The following CLYBL variants were observed in gnomAD, a reference collection of about 807,000 sequenced individuals.
CLYBL encodes the protein citramalyl-CoA lyase, mitochondrial.
A neutral mutation model predicts 38.9 loss-of-function variants in CLYBL; 31 were observed. The observed-to-expected ratio is 0.80, with a 90% CI of 0.60 to 1.08. CLYBL has a LOEUF of 1.08. Among genes scored for constraint, CLYBL ranks in the 50% least tolerant of loss-of-function variants. CLYBL has a pLI of 0.00. For synonymous variants in CLYBL, 171 were observed against 158.6 expected, an observed-to-expected ratio of 1.08 and a Z score of -0.59; for missense variants, 434 against 411.6, an observed-to-expected ratio of 1.05 and a Z score of -0.47.
At chr13:99,862,267 A>G (rs556034515) in intron 3 of CLYBL, among the ~76,000 whole-genome samples, 1 of 152,246 alleles carries the variant, frequency 6.6e-6, no homozygotes, top group Non-Finnish European at 1.5e-5. Context: ...GATAGACATA[A>G]TAGATTTACA....
chr13:99,877,571 CT>C (rs561372911), intron 7 of CLYBL: 6,178 of 212,516 alleles, frequency 0.029, 5 homozygotes, highest in South Asian at 0.064. Context: ...TTTTGTAATT[CT>C]TTTTTTTTTT....
intron 1 of CLYBL, among the ~76,000 whole-genome samples, chr13:99,707,194 T>C (rs1439353990): frequency 6.6e-6 from 1 of 152,216 alleles, no homozygotes; most frequent in Non-Finnish European, 1.5e-5. Flanking sequence ...TTATCTTCTT[T>C]AGACTTTTTT....
chr13:99,683,869 A>AT (rs2047776571), intron 1 of CLYBL, among the ~76,000 whole-genome samples: 4 of 149,818 alleles, frequency 2.7e-5, no homozygotes, highest in Non-Finnish European at 4.5e-5. Flanking sequence ...ATATATATAT[A>AT]AAATTTTTTT....
In CLYBL at chr13:99,864,845, G is replaced by T. The variant is rs145666717; in HGVS notation, c.568G>T (p.Gly190Trp). ...KAVCEETLKV[G>W]PQVGLFLDAV... ...AGTGTGTGAAGAAACCCTGAAGGTC[G>T]GGCCTCAAGTAGGTCTCTTTCTAGA... The change falls in exon 5 of 9, where the codon GGG becomes TGG. Residue 190 changes from glycine (G) to tryptophan (W), a missense_variant. Transcript: ENST00000339105. The T allele has an allele frequency of 5.1e-5, 83 of 1,613,846 alleles. No individual in the cohort carries two copies. The African/African-American group carries it at 1.0e-3, about 20-fold the overall frequency.
chr13:99,800,248 T>G (rs1250353992), intron 2 of CLYBL, among the ~76,000 whole-genome samples: 1 of 152,184 alleles, frequency 6.6e-6, no homozygotes, highest in African/African-American at 2.4e-5. Flanking sequence ...CCATGATTGG[T>G]TCAGGCCAGA....
intron 2 of CLYBL, among the ~76,000 whole-genome samples, chr13:99,845,806 C>T (rs2051190350): frequency 6.6e-6 from 1 of 152,102 alleles, no homozygotes; most frequent in African/African-American, 2.4e-5. Flanking sequence ...CTCAGTCTGC[C>T]TTTTTTAAAA....
At chr13:99,876,420 C>CA (rs35512772) in intron 7 of CLYBL, among the ~76,000 whole-genome samples, 27,361 of 69,806 alleles carry the variant, frequency 0.39, 4,612 homozygotes, top group East Asian at 0.52. Flanking sequence ...GACTCCGTCT[C>CA]AAAAAAAAAA....
intron 1 of CLYBL, among the ~76,000 whole-genome samples, chr13:99,769,024 T>C (rs1479048692): frequency 6.6e-6 from 1 of 152,140 alleles, no homozygotes; most frequent in African/African-American, 2.4e-5. Context: ...TGGAGGGACA[T>C]ACAATAACAG....
At chr13:99,635,814 C>CA (rs1195170641) in intron 1 of CLYBL, among the ~76,000 whole-genome samples, 4 of 152,208 alleles carry the variant, frequency 2.6e-5, no homozygotes, top group African/African-American at 9.7e-5. Flanking sequence ...TCCCCAGTCT[C>CA]AGTTTCCTCA....
At chr13:99,747,521 C>T (rs1185282197) in intron 1 of CLYBL, among the ~76,000 whole-genome samples, 1 of 152,064 alleles carries the variant, frequency 6.6e-6, no homozygotes, top group Admixed American at 6.5e-5. Context: ...GGAGCTGCCA[C>T]GGCCACATTT....
At chr13:99,692,736 C>G (rs949893039) in intron 1 of CLYBL, among the ~76,000 whole-genome samples, 1 of 152,126 alleles carries the variant, frequency 6.6e-6, no homozygotes, top group Non-Finnish European at 1.5e-5. Context: ...TCCCTATGCA[C>G]CCCTCTTCCT....
At chr13:99,746,143 A>C (rs1016176981) in intron 1 of CLYBL, among the ~76,000 whole-genome samples, 1 of 152,072 alleles carries the variant, frequency 6.6e-6, no homozygotes, top group Non-Finnish European at 1.5e-5. Context: ...CAAAGTACCC[A>C]GTCTTGGGGG....
intron 1 of CLYBL, among the ~76,000 whole-genome samples, chr13:99,674,454 G>A (rs1012756345): frequency 2.6e-5 from 4 of 151,912 alleles, no homozygotes; most frequent in African/African-American, 9.7e-5. Context: ...CCAGCTGATA[G>A]CTACTAGAAT....
At chr13:99,707,517 C>T (rs1173503913) in intron 1 of CLYBL, among the ~76,000 whole-genome samples, 1 of 152,048 alleles carries the variant, frequency 6.6e-6, no homozygotes, top group African/African-American at 2.4e-5. Flanking sequence ...CGTGATCTGC[C>T]CCCCTCGGCC....
intron 1 of CLYBL, among the ~76,000 whole-genome samples, chr13:99,771,698 C>T (rs1357825910): frequency 6.6e-6 from 1 of 152,086 alleles, no homozygotes; most frequent in Non-Finnish European, 1.5e-5. Flanking sequence ...AGAGACTGAA[C>T]TTGGTATGAT....
At chr13:99,866,428 A>G in intron 6 of CLYBL, 21 bp downstream of exon 6, 1 of 1,600,156 alleles carries the variant, frequency 6.2e-7, no homozygotes, top group African/African-American at 1.4e-5. Flanking sequence ...TGTCTTAGAA[A>G]GCAGTGTCTA....
chr13:99,704,650 A>G (rs532936489), intron 1 of CLYBL, among the ~76,000 whole-genome samples: 3 of 152,350 alleles, frequency 2.0e-5, no homozygotes, highest in Admixed American at 2.0e-4. Flanking sequence ...GTACAAACTT[A>G]GAAGAACCAG....
At chr13:99,802,309 G>C (rs2050152234) in intron 2 of CLYBL, among the ~76,000 whole-genome samples, 1 of 152,074 alleles carries the variant, frequency 6.6e-6, no homozygotes, top group Admixed American at 6.6e-5. Context: ...TAAGAATTTG[G>C]GGGGGATATA....
rs1299332104 is a variant in CLYBL, at chr13:99,766,208, C to T, written c.63-6616C>T. Among the ~76,000 whole-genome samples the T allele has an allele frequency of 2.1e-5, 3 of 143,484 alleles. No homozygotes were observed. In the East Asian group the frequency reaches 6.3e-4, roughly 30 times the overall value. The allele number at this position is 143,484 out of a possible 152,430, so 94.1% of individuals were successfully genotyped here. A position where few individuals can be genotyped will look rare whatever the true frequency, so the allele number is the denominator to read the frequency against. ...CTTGTAGGCAATCTTTGTTGATTCT[C>T]ATTTTTTAAAGATTTTTTTCTCCTT... On this transcript the variant is annotated intron_variant, in intron 1 of 8. Transcript: ENST00000339105.
Sources: gnomAD v4.1 joint callset for allele counts (sites outside exome capture counted in the v4.1 genomes callset) on GRCh38, gnomAD v4.1.1 for gene constraint, MANE v1.5 for transcripts, NCBI Gene and HGNC (gene_info 2026-07-23, HGNC 2026-07-21) for gene names.